FADS2: variants seen among roughly 807,000 people sequenced by gnomAD.
FADS2 encodes the protein fatty acid desaturase 2.
FADS2 carries 18 observed loss-of-function variants against 61.2 expected under a neutral mutation model. That is an observed-to-expected ratio of 0.29 (90% confidence interval 0.20 to 0.44). The LOEUF is 0.44. FADS2 is among the 20% of genes least tolerant of loss of function. The pLI is 1.00. For synonymous variants in FADS2, 203 were observed against 223.9 expected (o/e 0.91, Z 0.83); for missense variants, 322 against 572.7 (o/e 0.56, Z 4.47).
In FADS2 at chr11:61,816,536, C is replaced by A. The variant is rs1471149235; in HGVS notation, c.141+110C>A. The A allele has an allele frequency of 1.3e-6, 2 of 1,597,970 alleles. No homozygotes were observed. Among genetic ancestry groups the A allele is most frequent in the African/African-American group, 1.3e-5 (1 of 74,682 alleles). On this transcript the variant is annotated intron_variant, in intron 1 of 11. Coordinates refer to the FADS2 transcript ENST00000257261. The surrounding 1 kb of genome is among the most constrained non-coding windows in gnomAD (Gnocchi z 7.0). ...CTCCGGTCCCGCCCTCTCCTGTGCC[C>A]CCGCCTGGCTGCGCTCACCGTGGCA...
intron 7 of FADS2, among the ~76,000 whole-genome samples, chr11:61,858,592 T>C (rs1468097159): frequency 6.6e-6 from 1 of 150,578 alleles, no homozygotes; most frequent in Non-Finnish European, 1.5e-5. Flanking sequence ...AATTACGTCA[T>C]CTTTTTTTTT....
chr11:61,850,694 T>C (rs1404306680), intron 5 of FADS2, among the ~76,000 whole-genome samples: 1 of 152,172 alleles, frequency 6.6e-6, no homozygotes, highest in South Asian at 2.1e-4. Flanking sequence ...TTTTTGGAAA[T>C]ACATTAATGA....
Position 61,852,166 on chromosome 11 carries a change from C to G in FADS2, c.744+3882C>G, listed in dbSNP as rs116664498. ...CTCTCCCAGGCCACCGTCTGGATGA[C>G]TTGGGGGCCACACTCACACTCATTC... On this transcript the variant is annotated intron_variant, in intron 5 of 11. Transcript: ENST00000278840. Among the ~76,000 whole-genome samples, 1,367 of 152,278 alleles carry G rather than the reference C, an allele frequency of 9.0e-3. 21 individuals carry two copies. The highest frequency in any genetic ancestry group is 0.031 in the African/African-American group (1,283 of 41,560).
In FADS2 at chr11:61,816,972, G is replaced by T; in HGVS notation, c.141+546G>T. 1 of 1,368,194 alleles carries T rather than the reference G, an allele frequency of 7.3e-7. No homozygotes were observed. The highest frequency in any genetic ancestry group is 9.4e-7 in the Non-Finnish European group (1 of 1,068,668). The allele number at this position is 1,368,194 out of a possible 1,614,324, so 84.8% of individuals were successfully genotyped here. A position where few individuals can be genotyped will look rare whatever the true frequency, so the allele number is the denominator to read the frequency against. Reference sequence around the variant, plus strand: ...GCGGGGAGCGAGATCCCGTCCCCCGGTGGGTCTTGGGCAACTCACAGCTGG... The same window carrying T: ...GCGGGGAGCGAGATCCCGTCCCCCGTTGGGTCTTGGGCAACTCACAGCTGG... On this transcript the variant is annotated intron_variant, in intron 1 of 11. Transcript: ENST00000257261. The surrounding 1 kb of genome is among the most constrained non-coding windows in gnomAD (Gnocchi z 7.0).
At chr11:61,860,034 G>A (rs1469500647) in intron 7 of FADS2, among the ~76,000 whole-genome samples, 3 of 152,272 alleles carry the variant, frequency 2.0e-5, no homozygotes, top group Non-Finnish European at 4.4e-5. Flanking sequence ...GGGGATGGCA[G>A]AGTGGGGACA....
rs755180012 is a variant in FADS2, at chr11:61,837,857, C to T, written c.287C>T (p.Pro96Leu). ...LKPLLIGELAPEEPSQDHGKN... is the reference protein window; with the variant it reads ...LKPLLIGELALEEPSQDHGKN... ...CCCCTGCTGATTGGTGAACTGGCCC[C>T]GGAGGAGCCCAGCCAGGACCACGGC... Residue 96 changes from proline (P) to leucine (L), a missense_variant, in exon 2 of 12, where the codon CCG becomes CTG. Coordinates refer to ENST00000278840, the MANE Select transcript of FADS2 (RefSeq NM_004265.4). 9.9e-6 allele frequency: 16 copies of T among 1,613,714 alleles called. No individual in the cohort carries two copies. The Admixed American group carries it at 1.0e-4, about 10-fold the overall frequency.
In FADS2 at chr11:61,816,491, C is replaced by T. The variant is rs1211030255; in HGVS notation, c.141+65C>T. ...GGTGTTTGGCTCGGAGTGCGTAACT[C>T]TGTCTCCCCTGCACTCAGCCTCCGG... On this transcript the variant is annotated intron_variant, in intron 1 of 11. Transcript: ENST00000257261. The surrounding 1 kb of genome is among the most constrained non-coding windows in gnomAD (Gnocchi z 7.0). 9 of 1,600,348 alleles carry T rather than the reference C, an allele frequency of 5.6e-6. No individual in the cohort carries two copies. The highest frequency in any genetic ancestry group is 7.6e-6 in the Non-Finnish European group (9 of 1,177,818).
At chr11:61,826,427 T>G, upstream of FADS2, 1 of 698,688 alleles carries the variant, frequency 1.4e-6, no homozygotes. Context: ...AGATACTCCC[T>G]GGTTCTGCCT....
In FADS2 at chr11:61,817,044, C is replaced by T. The variant is rs1247231065; in HGVS notation, c.141+618C>T. On this transcript the variant is annotated intron_variant, in intron 1 of 11. Coordinates refer to the FADS2 transcript ENST00000257261. ...GCGGGCTCCCTAAAGGCGTCGCCGC[C>T]GGATTCGACTTCCTGACGTCAGGCG... The T allele has an allele frequency of 1.3e-5, 16 of 1,199,874 alleles. No individual in the cohort carries two copies. In the African/African-American group the frequency reaches 1.4e-4, roughly 11 times the overall value. The allele number at this position is 1,199,874 out of a possible 1,614,324, so 74.3% of individuals were successfully genotyped here.
chr11:61,838,487 G>A (rs777465197), intron 2 of FADS2, among the ~76,000 whole-genome samples: 1 of 152,106 alleles, frequency 6.6e-6, no homozygotes, highest in African/African-American at 2.4e-5. Flanking sequence ...AAGGAGAGGA[G>A]TGGTACCCAC....
rs780797660 is a variant in FADS2, at chr11:61,828,776, G to A, written c.207+179G>A. 2.8e-5 allele frequency: 17 copies of A among 596,506 alleles called. No homozygotes were observed. Among genetic ancestry groups the A allele is most frequent in the Admixed American group, 6.3e-5 (2 of 31,602 alleles). 37.0% of individuals were successfully genotyped at this position (596,506 alleles called of 1,614,324 possible). On this transcript the variant is annotated intron_variant, in intron 1 of 11. Coordinates refer to ENST00000278840, the MANE Select transcript of FADS2 (RefSeq NM_004265.4). This position sits in a 1 kb window ranked among gnomAD's most constrained non-coding sequence, Gnocchi z 6.4. ...CCCAATCCTCCTCCTCCTCTGGGCC[G>A]ACTGGGGTGGAGACCGGATCTGGGA...
chr11:61,821,345 C>T, intron 1 of FADS2: 1 of 697,306 alleles, frequency 1.4e-6, no homozygotes, highest in East Asian at 2.7e-5. Context: ...CATAGTGAGA[C>T]CCCTTCCTAA....
chr11:61,846,265 C>T (rs762780677), intron 4 of FADS2, among the ~76,000 whole-genome samples: 3 of 151,794 alleles, frequency 2.0e-5, no homozygotes, highest in African/African-American at 4.8e-5. Flanking sequence ...TACAGGTGCC[C>T]GCCACCACGC....
intron 5 of FADS2, chr11:61,849,712 A>G (rs2067289623): frequency 6.6e-6 from 1 of 152,158 alleles, no homozygotes; most frequent in Non-Finnish European, 1.5e-5. Flanking sequence ...GTGTATAAAC[A>G]TGCATATATC....
chr11:61,836,946 G>A (rs12419584), intron 1 of FADS2, among the ~76,000 whole-genome samples: 6 of 152,142 alleles, frequency 3.9e-5, no homozygotes, highest in Non-Finnish European at 7.3e-5. Context: ...TTTTTTATGA[G>A]ATAATTCATG....
At chr11:61,821,843 A>G (rs946753421) in intron 1 of FADS2, among the ~76,000 whole-genome samples, 1 of 152,246 alleles carries the variant, frequency 6.6e-6, no homozygotes, top group Non-Finnish European at 1.5e-5. Context: ...AATCCCAATC[A>G]TACCTCTATT....
chr11:61,864,029 C>T lies in FADS2; in HGVS notation c.1157+243C>T, dbSNP rs116515366. 3.8e-3 allele frequency: 1,880 copies of T among 500,096 alleles called. 24 individuals carry two copies. The highest frequency in any genetic ancestry group is 0.032 in the African/African-American group (1,702 of 52,842). 31.0% of individuals were successfully genotyped at this position (500,096 alleles called of 1,614,324 possible). The stretch of plus-strand genomic sequence containing the variant: ...TGCCACTTGGTCATAGTGGTTACCA[C>T]CTCCCTCCATGTGGGCCTGGGACTT... On this transcript the variant is annotated intron_variant, in intron 10 of 11. Transcript: ENST00000278840.
chr11:61,825,756 G>T (rs896102167), upstream of FADS2, among the ~76,000 whole-genome samples: 2 of 151,934 alleles, frequency 1.3e-5, no homozygotes, highest in African/African-American at 4.8e-5. Context: ...AGCCGGGTGT[G>T]GTGGCAGGCG....
At chr11:61,821,010 A>T (rs2067032800) in intron 1 of FADS2, among the ~76,000 whole-genome samples, 1 of 152,196 alleles carries the variant, frequency 6.6e-6, no homozygotes, top group Non-Finnish European at 1.5e-5. Flanking sequence ...TTGCCCTCTC[A>T]TCTCCTTACC....
Sources: gnomAD v4.1 joint callset for allele counts (sites outside exome capture counted in the v4.1 genomes callset) on GRCh38, gnomAD v4.1.1 for gene constraint, Gnocchi (gnomAD v3.1) non-coding constraint, MANE v1.5 for transcripts, NCBI Gene and HGNC (gene_info 2026-07-23, HGNC 2026-07-21) for gene names.